GRSF1: variants seen among roughly 807,000 people sequenced by gnomAD.
GRSF1 encodes the protein G-rich RNA sequence binding factor 1, also known as G-rich sequence factor 1.
In GRSF1, 50 loss-of-function variants were observed where a neutral mutation model predicts 51.1. That is an observed-to-expected ratio of 0.98 (90% confidence interval 0.78 to 1.24). GRSF1 has a LOEUF of 1.24. Among genes scored for constraint, GRSF1 ranks in the 50% most tolerant of loss-of-function variants. GRSF1 has a pLI of 0.00. For missense variants in GRSF1, 700 were observed against 639.7 expected (o/e 1.09, Z -1.02); for synonymous variants, 293 against 253.3 (o/e 1.16, Z -1.49).
rs188985910 is a variant in GRSF1, at chr4:70,815,903, A to G, written c.*4984T>C. On this transcript the variant is annotated 3_prime_UTR_variant, in exon 10 of 10. Coordinates refer to ENST00000254799, the MANE Select transcript of GRSF1 (RefSeq NM_002092.4). ...AAAATGTGGCATTCATACATAGAAC[A>G]CTGCTCAGCCATAAAAAGGAACAAA... 6.6e-6 allele frequency: 1 copy of G among 152,320 alleles called. No homozygotes were observed. Among genetic ancestry groups the G allele is most frequent in the Non-Finnish European group, 1.5e-5 (1 of 68,030 alleles). 9.4% of individuals were successfully genotyped at this position (152,320 alleles called of 1,614,324 possible).
At position 70,826,127 on chromosome 4, in the gene GRSF1, TATA is replaced by T; in HGVS notation, c.1251_1253del (p.Ile418del). On this transcript the variant is annotated inframe_deletion, in exon 7 of 10. Coordinates refer to ENST00000254799, the MANE Select transcript of GRSF1 (RefSeq NM_002092.4). Reference sequence around the variant, plus strand: ...TGGATATCTTACTGCCACACACGTTTATAATGTCTTGGGCATTGGCTTGGAAAG... The same window carrying T: ...TGGATATCTTACTGCCACACACGTTTATGTCTTGGGCATTGGCTTGGAAAG... 3.1e-6 allele frequency: 5 copies of T among 1,610,386 alleles called. No individual in the cohort carries two copies. Among genetic ancestry groups the T allele is most frequent in the South Asian group, 2.2e-5 (2 of 90,542 alleles).
intron 5 of GRSF1, 138 bp from the exon 6 acceptor site, chr4:70,828,174 CTAA>C: frequency 4.6e-6 from 3 of 648,890 alleles, no homozygotes; most frequent in Non-Finnish European, 8.0e-6. Flanking sequence ...GTAGGGAAAA[CTAA>C]TAATGCATAC....
chr4:70,836,388 T>C (rs1370772198), intron 1 of GRSF1, 74 bp from the exon 2 acceptor site: 1 of 1,107,816 alleles, frequency 9.0e-7, no homozygotes, highest in Non-Finnish European at 1.3e-6. Context: ...TCTTAGAAAA[T>C]GTTTATTCTA....
In GRSF1 at chr4:70,839,809, C is replaced by G; in HGVS notation, c.19G>C (p.Val7Leu). 1 of 1,501,078 alleles carries G rather than the reference C, an allele frequency of 6.7e-7. No homozygotes were observed. Among genetic ancestry groups the G allele is most frequent in the Non-Finnish European group, 8.8e-7 (1 of 1,132,426 alleles). The allele number at this position is 1,501,078 out of a possible 1,614,324, so 93.0% of individuals were successfully genotyped here. MAGTRW[V>L]LGALLRGCGC... ...CAGCCCCGGAGCAGCGCCCCGAGTACCCAGCGCGTGCCGGCCATGGACTCC... is the reference window on the plus strand; with the variant it reads ...CAGCCCCGGAGCAGCGCCCCGAGTAGCCAGCGCGTGCCGGCCATGGACTCC... The change falls in exon 1 of 10, where the codon GTA becomes CTA. Residue 7 changes from valine (V) to leucine (L), a missense_variant. By Grantham distance (32) the Val-to-Leu change is conservative. Transcript: ENST00000254799.
chr4:70,839,982 G>A (rs913104411), upstream of GRSF1: 104 of 623,754 alleles, frequency 1.7e-4, no homozygotes, highest in African/African-American at 1.8e-3. Flanking sequence ...GGAGGTGGAG[G>A]AGAGCGCGAC....
chr4:70,839,212 C>G, intron 1 of GRSF1: 2 of 1,430,826 alleles, frequency 1.4e-6, no homozygotes, highest in Non-Finnish European at 1.9e-6. Flanking sequence ...TCAACATTCA[C>G]CCCAGCCACA....
At chr4:70,835,301 G>C (rs1734154149) in intron 2 of GRSF1, among the ~76,000 whole-genome samples, 2 of 151,164 alleles carry the variant, frequency 1.3e-5, no homozygotes, top group South Asian at 4.2e-4. Flanking sequence ...AAATTAACTG[G>C]GTGTGGTGGC....
At chr4:70,823,695 C>A (rs1733614568) in intron 9 of GRSF1, among the ~76,000 whole-genome samples, 1 of 151,706 alleles carries the variant, frequency 6.6e-6, no homozygotes, top group Admixed American at 6.6e-5. Context: ...CATAGTGAGA[C>A]CCCATCTCTA....
rs936828343 is a variant in GRSF1, at chr4:70,836,258, G to A, written c.414C>T (p.Ala138=). 12 of 1,608,764 alleles carry A rather than the reference G, an allele frequency of 7.5e-6. No individual in the cohort carries two copies. The East Asian group carries it at 2.7e-4, about 36-fold the overall frequency. The change falls in exon 2 of 10, where the codon GCC becomes GCT. Residue 138 remains alanine (A), a synonymous_variant. Transcript: ENST00000254799. The stretch of plus-strand genomic sequence containing the variant: ...CCACTTCCTCTTCTAACTTGGACGG[G>A]GCCAATTCATACTCAGGGGGTGGTG... ...DLPPPPEYEL[A]PSKLEEEVDD...
At chr4:70,836,516 T>C (rs768698888) in intron 1 of GRSF1, among the ~76,000 whole-genome samples, 3 of 152,180 alleles carry the variant, frequency 2.0e-5, no homozygotes, top group Non-Finnish European at 4.4e-5. Context: ...TCCTAAAGGT[T>C]TGGCAGGACA....
intron 6 of GRSF1, among the ~76,000 whole-genome samples, chr4:70,827,524 C>A (rs1345171959): frequency 6.6e-6 from 1 of 152,172 alleles, no homozygotes; most frequent in Non-Finnish European, 1.5e-5. Flanking sequence ...TTGGCTCACA[C>A]CTGTAATCCC....
chr4:70,826,253 G>A lies in GRSF1; in HGVS notation c.1136-8C>T, dbSNP rs762001248. On this transcript the variant is annotated splice_region_variant and splice_polypyrimidine_tract_variant and intron_variant, in intron 6 of 9. Transcript: ENST00000254799. Reference sequence around the variant, plus strand: ...GCACCTCCTTAGGCAATTCTGAGAGGTGGAACAGAAAGCACTGTTAAAACA... The same window carrying A: ...GCACCTCCTTAGGCAATTCTGAGAGATGGAACAGAAAGCACTGTTAAAACA... 13 of 1,596,000 alleles carry A rather than the reference G, an allele frequency of 8.1e-6. No individual in the cohort carries two copies. In the East Asian group the frequency reaches 1.1e-4, roughly 14 times the overall value.
rs535656240 is a variant in GRSF1, at chr4:70,815,944, T to C, written c.*4943A>G. 1 of 152,254 alleles carries C rather than the reference T, an allele frequency of 6.6e-6. No individual in the cohort carries two copies. Among genetic ancestry groups the C allele is most frequent in the South Asian group, 2.1e-4 (1 of 4,828 alleles). 9.4% of individuals were successfully genotyped at this position (152,254 alleles called of 1,614,324 possible). The stretch of plus-strand genomic sequence containing the variant: ...AAGGAACAAAGCTTAAACACACTGA[T>C]GAACATACAAACATGCTGAGTAAAA... On this transcript the variant is annotated 3_prime_UTR_variant, in exon 10 of 10. Transcript: ENST00000254799.
At chr4:70,831,126 G>C (rs1733949289) in intron 5 of GRSF1, among the ~76,000 whole-genome samples, 1 of 152,090 alleles carries the variant, frequency 6.6e-6, no homozygotes, top group African/African-American at 2.4e-5. Context: ...GGGAGGCCGA[G>C]GCGGGCGGAT....
chr4:70,836,697 A>C (rs1734227696), intron 1 of GRSF1, among the ~76,000 whole-genome samples: 1 of 152,204 alleles, frequency 6.6e-6, no homozygotes, highest in Non-Finnish European at 1.5e-5. Context: ...TACGATAAGC[A>C]TACAAGATGA....
upstream of GRSF1, among the ~76,000 whole-genome samples, chr4:70,840,775 CA>C (rs963713879): frequency 1.1e-4 from 16 of 151,744 alleles, no homozygotes; most frequent in Non-Finnish European, 2.1e-4. Flanking sequence ...AACAAACAAA[CA>C]AAAAAATTAG....
rs6446832 is a variant in GRSF1 at position 70,816,687 on chromosome 4, A to G, written c.*4200T>C. On this transcript the variant is annotated 3_prime_UTR_variant, in exon 10 of 10. Transcript: ENST00000254799. ...TGTAATGAGCTGGGATCACGTCACT[A>G]TAACTCCAGCCTGGGTGACAGAGCG... 0.91 allele frequency: 138,857 copies of G among 152,292 alleles called. 64,306 individuals carry two copies. The highest frequency in any genetic ancestry group is 1 in the East Asian group (5,184 of 5,192). 9.4% of individuals were successfully genotyped at this position (152,292 alleles called of 1,614,324 possible).
chr4:70,836,932 C>A (rs7663104), intron 1 of GRSF1, among the ~76,000 whole-genome samples: 2 of 152,166 alleles, frequency 1.3e-5, no homozygotes, highest in Non-Finnish European at 2.9e-5. Flanking sequence ...AATTAGGAGC[C>A]AAAGAAGGTG....
Position 70,836,312 on chromosome 4 carries a change from C to A in GRSF1, c.360G>T (p.Glu120Asp). The change falls in exon 2 of 10, where the codon GAG (glutamate) becomes GAT (aspartate). Residue 120 changes from glutamate (E) to aspartate (D), a missense_variant and splice_region_variant. Physicochemically the swap from Glu to Asp is conservative, Grantham distance 45 (BLOSUM62 2). Transcript: ENST00000254799. ...AAVPTRSYSQ[E>D]SKTTYLEDLP... is the part of the protein sequence containing the mutation. The stretch of plus-strand genomic sequence containing the variant: ...GGTCTTCCAGGTAAGTAGTTTTGGA[C>A]TCCTTCCAAAGGAAATGAAGAATTG... 6.4e-7 allele frequency: 1 copy of A among 1,566,412 alleles called. No homozygotes were observed. Among genetic ancestry groups the A allele is most frequent in the South Asian group, 1.2e-5 (1 of 83,408 alleles).
Sources: allele counts gnomAD v4.1 joint callset (sites outside exome capture counted in the v4.1 genomes callset), GRCh38; gene constraint gnomAD v4.1.1; transcripts MANE v1.5; gene names NCBI Gene and HGNC (gene_info 2026-07-23, HGNC 2026-07-21).